The following LPIN2 variants were observed in gnomAD, a reference collection of about 807,000 sequenced individuals.
LPIN2 encodes phosphatidate phosphatase LPIN2.
A neutral mutation model predicts 111.4 loss-of-function variants in LPIN2; 55 were observed. The ratio of observed to expected loss-of-function variants is 0.49; its 90% CI spans 0.40 to 0.62. The LOEUF (loss-of-function observed/expected upper bound fraction) is 0.62. LPIN2 is among the 20% of genes least tolerant of loss of function. The pLI is 0.00. For synonymous variants in LPIN2, 425 were observed against 414.0 expected, an observed-to-expected ratio of 1.03 and a Z score of -0.32; for missense variants, 992 against 1,112.1, an observed-to-expected ratio of 0.89 and a Z score of 1.54.
chr18:2,993,305 T>C (rs1417072693), intron 1 of LPIN2, among the ~76,000 whole-genome samples: 1 of 152,200 alleles, frequency 6.6e-6, no homozygotes, highest in African/African-American at 2.4e-5. Context: ...GCAATGTCAA[T>C]ACAGTCCATA....
chr18:2,973,723 C>T (rs534640222), intron 1 of LPIN2, among the ~76,000 whole-genome samples: 17 of 152,298 alleles, frequency 1.1e-4, no homozygotes, highest in African/African-American at 3.1e-4. Context: ...TTTGCATATA[C>T]ATAATGACCC....
intron 13 of LPIN2, among the ~76,000 whole-genome samples, 190 bp downstream of exon 13, chr18:2,926,533 A>G (rs762330022): frequency 2.0e-5 from 3 of 147,212 alleles, no homozygotes. Context: ...CAGGGTATTT[A>G]TTTTTCTAAG....
At position 2,920,991 on chromosome 18, in the gene LPIN2, T is replaced by C. The variant is rs374100415; in HGVS notation, c.2443-110A>G. ...GCACAGACAGACTCGACAGAAAACA[T>C]GCGGAGGCGGCACAGTGCAGTTGCC... On this transcript the variant is annotated intron_variant, in intron 18 of 19. Transcript: ENST00000677752. 3.1e-4 allele frequency: 240 copies of C among 783,194 alleles called. No individual in the cohort carries two copies. The African/African-American group carries it at 3.5e-3, about 11-fold the overall frequency. 48.5% of individuals were successfully genotyped at this position (783,194 alleles called of 1,614,324 possible). A position where few individuals can be genotyped will look rare whatever the true frequency, so the allele number is the denominator to read the frequency against.
At chr18:3,004,694 T>C (rs1339628523) in intron 1 of LPIN2, among the ~76,000 whole-genome samples, 2 of 152,172 alleles carry the variant, frequency 1.3e-5, no homozygotes, top group Admixed American at 6.5e-5. Context: ...ACTGAGCCCA[T>C]TTCCTCCTCC....
At chr18:2,994,912 G>A (rs1397260772) in intron 1 of LPIN2, among the ~76,000 whole-genome samples, 1 of 152,212 alleles carries the variant, frequency 6.6e-6, no homozygotes, top group Non-Finnish European at 1.5e-5. Flanking sequence ...CCACAAACAT[G>A]TTAGGGGTGG....
At chr18:2,946,539 T>C (rs1398864767) in intron 4 of LPIN2, 3 of 1,513,204 alleles carry the variant, frequency 2.0e-6, no homozygotes, top group Non-Finnish European at 2.8e-6. Flanking sequence ...AAGGCCATTT[T>C]TTTTCCCACT....
Position 2,922,166 on chromosome 18 carries a change from A to G in LPIN2, c.2208T>C (p.Arg736=), listed in dbSNP as rs1180203632. Residue 736 remains arginine, a synonymous_variant, in exon 17 of 20, where the codon CGT becomes CGC. Transcript: ENST00000677752. Reference sequence around the variant, plus strand: ...GGGTCATGTCGGCCATGCCGATGGCACGAGCCGAGCAGTACAGAAACTTGT... The same window carrying G: ...GGGTCATGTCGGCCATGCCGATGGCGCGAGCCGAGCAGTACAGAAACTTGT... ...NGYKFLYCSA[R]AIGMADMTRG... is the part of the protein sequence containing the mutation. The G allele has an allele frequency of 6.2e-7, 1 of 1,613,996 alleles. No homozygotes were observed. Among genetic ancestry groups the G allele is most frequent in the African/African-American group, 1.3e-5 (1 of 75,072 alleles).
Position 2,986,547 on chromosome 18 carries a change from TAA to T in LPIN2, c.-9-25700_-9-25699del, listed in dbSNP as rs1555606339. ...TTGTGATAAGTCTATTTTTTTAATG[TAA>T]AAAAAAAAAAAAAAGAAAGACTAAC... On this transcript the variant is annotated intron_variant, in intron 1 of 19. Coordinates refer to ENST00000677752, the MANE Select transcript of LPIN2 (RefSeq NM_001375808.2). 1.4e-3 allele frequency among the ~76,000 whole-genome samples: 192 copies of T among 135,056 alleles called. 1 individual carries two copies. The highest frequency in any genetic ancestry group is 2.2e-3 in the Non-Finnish European group (144 of 64,398). The allele number at this position is 135,056 out of a possible 152,430, so 88.6% of individuals were successfully genotyped here.
chr18:2,955,963 A>C (rs532697707), intron 2 of LPIN2, among the ~76,000 whole-genome samples: 2 of 152,274 alleles, frequency 1.3e-5, no homozygotes, highest in East Asian at 3.9e-4. Context: ...AAAACCTCCT[A>C]TGTATGAATA....
intron 1 of LPIN2, among the ~76,000 whole-genome samples, chr18:3,000,123 G>GGAA (rs1402151495): frequency 7.2e-6 from 1 of 139,736 alleles, no homozygotes; most frequent in Non-Finnish European, 1.5e-5. Flanking sequence ...GGAAGAAGGA[G>GGAA]GAGGAGGAGG....
chr18:2,972,374 A>AG (rs2077934379), intron 1 of LPIN2: 1 of 152,350 alleles, frequency 6.6e-6, no homozygotes, highest in East Asian at 1.9e-4. Flanking sequence ...CAGCCGAGGC[A>AG]GGGGCAAGGG....
rs2077231281 is a variant in LPIN2, at chr18:2,932,895, C to A, written c.1269-1452G>T. Among the ~76,000 whole-genome samples, 3 of 152,210 alleles carry A rather than the reference C, an allele frequency of 2.0e-5. No homozygotes were observed. In the South Asian group the frequency reaches 6.2e-4, roughly 32 times the overall value. ...CCCCTAAACACCAACACAGAGCATT[C>A]TTCACAGGGGCAAGAAACAAAATTC... On this transcript the variant is annotated intron_variant, in intron 8 of 19. Coordinates refer to ENST00000677752, the MANE Select transcript of LPIN2 (RefSeq NM_001375808.2).
intron 2 of LPIN2, among the ~76,000 whole-genome samples, chr18:2,958,842 T>C (rs2077663300): frequency 6.6e-6 from 1 of 152,090 alleles, no homozygotes; most frequent in Admixed American, 6.5e-5. Flanking sequence ...CATTTACAGA[T>C]GCATACATGC....
At chr18:2,952,137 T>C (rs2077546180) in intron 3 of LPIN2, among the ~76,000 whole-genome samples, 1 of 152,182 alleles carries the variant, frequency 6.6e-6, no homozygotes, top group African/African-American at 2.4e-5. Context: ...AGATAAAAAT[T>C]AACTTCAGGC....
intron 2 of LPIN2, among the ~76,000 whole-genome samples, chr18:2,958,174 C>G (rs1334932343): frequency 8.9e-5 from 5 of 56,176 alleles, no homozygotes; most frequent in Admixed American, 2.1e-4. Flanking sequence ...AAAAAAAAAA[C>G]AGAAAAAAGA....
rs1420120739 is a variant in LPIN2 at position 2,934,307 on chromosome 18, A to G, written c.1268+44T>C. On this transcript the variant is annotated intron_variant, in intron 8 of 19. Transcript: ENST00000677752. Reference sequence around the variant, plus strand: ...GAAATGTTTTACTCTAGAAATAACTAGACTATTTCAGAGCTGTCCTTCAAT... The same window carrying G: ...GAAATGTTTTACTCTAGAAATAACTGGACTATTTCAGAGCTGTCCTTCAAT... 2.3e-6 allele frequency: 3 copies of G among 1,293,432 alleles called. No individual in the cohort carries two copies. In the African/African-American group the frequency reaches 4.4e-5, roughly 19 times the overall value. The allele number at this position is 1,293,432 out of a possible 1,614,324, so 80.1% of individuals were successfully genotyped here.
At chr18:2,928,105 T>C (rs1260228447) in intron 11 of LPIN2, among the ~76,000 whole-genome samples, 1 of 152,142 alleles carries the variant, frequency 6.6e-6, no homozygotes, top group Non-Finnish European at 1.5e-5. Context: ...GTGGTTCTCA[T>C]GAGTTAAGAG....
At chr18:2,995,191 T>G (rs2078323071) in intron 1 of LPIN2, among the ~76,000 whole-genome samples, 1 of 86,458 alleles carries the variant, frequency 1.2e-5, no homozygotes, top group Non-Finnish European at 3.0e-5. Flanking sequence ...ACTGAATAGT[T>G]CCAAGACCTA....
At chr18:2,984,607 C>G (rs756541839) in intron 1 of LPIN2, among the ~76,000 whole-genome samples, 7 of 151,386 alleles carry the variant, frequency 4.6e-5, no homozygotes, top group Non-Finnish European at 1.0e-4. Context: ...GTTAGAGGGG[C>G]AGAGGAAATA....
Sources: gnomAD v4.1 joint callset for allele counts (sites outside exome capture counted in the v4.1 genomes callset) on GRCh38, gnomAD v4.1.1 for gene constraint, MANE v1.5 for transcripts, NCBI Gene and HGNC (gene_info 2026-07-23, HGNC 2026-07-21) for gene names.